GABPB1: variants seen among roughly 807,000 people sequenced by gnomAD.
The protein encoded by GABPB1 is GA binding protein transcription factor subunit beta 1.
Under a neutral mutation model 45.9 loss-of-function variants are expected in GABPB1, and 15 were observed. The ratio of observed to expected loss-of-function variants is 0.33; its 90% CI spans 0.22 to 0.50. GABPB1 has a LOEUF of 0.50. GABPB1 is among the 20% of genes least tolerant of loss of function. The pLI is 0.98. For synonymous variants in GABPB1, 143 were observed against 154.4 expected (o/e 0.93, Z 0.55); for missense variants, 252 against 457.5 (o/e 0.55, Z 4.10).
chr15:50,317,734 C>G (rs1431549097), intron 1 of GABPB1, among the ~76,000 whole-genome samples: 1 of 151,868 alleles, frequency 6.6e-6, no homozygotes, highest in Admixed American at 6.6e-5. Context: ...ATGGTGAAAC[C>G]CCGTCTCTAC....
Position 50,320,867 on chromosome 15 carries a change from G to A in GABPB1, c.1-11069C>T, listed in dbSNP as rs934654672. Reference sequence around the variant, plus strand: ...CTTAAAGATGGAGGAAGGGGTCACAGGTCAAGAAATGCATGCCTTCTTTAG... The same window carrying A: ...CTTAAAGATGGAGGAAGGGGTCACAAGTCAAGAAATGCATGCCTTCTTTAG... On this transcript the variant is annotated intron_variant, in intron 1 of 8. Coordinates refer to ENST00000380877, the MANE Select transcript of GABPB1 (RefSeq NM_016654.5). 3.3e-5 allele frequency among the ~76,000 whole-genome samples: 5 copies of A among 152,128 alleles called. No individual in the cohort carries two copies. In the South Asian group the frequency reaches 1.0e-3, roughly 31 times the overall value.
At chr15:50,312,319 T>C (rs1180530613) in intron 1 of GABPB1, among the ~76,000 whole-genome samples, 1 of 152,214 alleles carries the variant, frequency 6.6e-6, no homozygotes, top group Non-Finnish European at 1.5e-5. Context: ...TTAAATACAC[T>C]TCTCTGTGAC....
chr15:50,346,482 G>C (rs577911001), intron 1 of GABPB1: 11 of 152,158 alleles, frequency 7.2e-5, no homozygotes, highest in Non-Finnish European at 1.2e-4. Flanking sequence ...TGATGTCAAA[G>C]TGCAGACTGT....
intron 1 of GABPB1, among the ~76,000 whole-genome samples, chr15:50,336,779 G>A: frequency 6.7e-6 from 1 of 150,136 alleles, no homozygotes; most frequent in East Asian, 2.0e-4. Flanking sequence ...TCTATTTTAT[G>A]GTTTACTACC....
At chr15:50,298,819 G>A (rs749969554) in intron 6 of GABPB1, among the ~76,000 whole-genome samples, 3 of 152,080 alleles carry the variant, frequency 2.0e-5, no homozygotes, top group African/African-American at 4.8e-5. Context: ...GGGTGTGGTG[G>A]TGCATGCCTG....
chr15:50,311,412 G>A (rs868012228), intron 1 of GABPB1, among the ~76,000 whole-genome samples: 1 of 152,142 alleles, frequency 6.6e-6, no homozygotes, highest in African/African-American at 2.4e-5. Flanking sequence ...TAGGTAAGTA[G>A]TCAAGAGAAA....
At chr15:50,323,272 T>G (rs760886930) in intron 1 of GABPB1, among the ~76,000 whole-genome samples, 1 of 152,016 alleles carries the variant, frequency 6.6e-6, no homozygotes, top group Non-Finnish European at 1.5e-5. Flanking sequence ...ATCAGGCCCA[T>G]GGGGGAAATG....
chr15:50,281,819 G>A (rs2045987628), intron 8 of GABPB1, among the ~76,000 whole-genome samples: 1 of 152,140 alleles, frequency 6.6e-6, no homozygotes, highest in South Asian at 2.1e-4. Context: ...TAGACTGGGT[G>A]CTGGGCATGC....
At chr15:50,340,719 CTAA>C (rs1402400027) in intron 1 of GABPB1, among the ~76,000 whole-genome samples, 1 of 151,502 alleles carries the variant, frequency 6.6e-6, no homozygotes, top group Non-Finnish European at 1.5e-5. Context: ...TCTCAAACTC[CTAA>C]TGAGACCATG....
At chr15:50,324,814 T>C (rs1368772481) in intron 1 of GABPB1, among the ~76,000 whole-genome samples, 1 of 152,138 alleles carries the variant, frequency 6.6e-6, no homozygotes, top group Non-Finnish European at 1.5e-5. Context: ...CCCAAAGTGC[T>C]AGGATTACAG....
chr15:50,317,390 G>A (rs1279861212), intron 1 of GABPB1, among the ~76,000 whole-genome samples: 1 of 124,730 alleles, frequency 8.0e-6, no homozygotes, highest in Non-Finnish European at 1.6e-5. Context: ...GGCAACAAGA[G>A]CAAAACTCCG....
At chr15:50,341,542 A>G (rs935964707) in intron 1 of GABPB1, among the ~76,000 whole-genome samples, 22 of 152,116 alleles carry the variant, frequency 1.4e-4, no homozygotes, top group Non-Finnish European at 2.9e-4. Context: ...TCAAAAAAAA[A>G]AAGAAAATGA....
intron 2 of GABPB1, among the ~76,000 whole-genome samples, chr15:50,305,766 A>G (rs576533195): frequency 6.6e-6 from 1 of 152,232 alleles, no homozygotes; most frequent in South Asian, 2.1e-4. Context: ...CACAAAATAT[A>G]TATACATATA....
chr15:50,344,374 G>A (rs1333636123), intron 1 of GABPB1, among the ~76,000 whole-genome samples: 1 of 152,188 alleles, frequency 6.6e-6, no homozygotes, highest in Admixed American at 6.5e-5. Context: ...AGAATAGACA[G>A]TGCAAAGGTC....
At position 50,333,292 on chromosome 15, in the gene GABPB1, C is replaced by T. The variant is rs369060397; in HGVS notation, c.-1+21693G>A. On this transcript the variant is annotated intron_variant, in intron 1 of 8. Transcript: ENST00000380877. ...CCTGAGCAACACAGCGAGACCTCGTCTCTACAAATAATTTTAAAAATTAGA... is the reference window on the plus strand; with the variant it reads ...CCTGAGCAACACAGCGAGACCTCGTTTCTACAAATAATTTTAAAAATTAGA... Among the ~76,000 whole-genome samples the T allele has an allele frequency of 7.2e-5, 11 of 152,296 alleles. No individual in the cohort carries two copies. In the East Asian group the frequency reaches 1.3e-3, roughly 19 times the overall value.
chr15:50,316,673 T>G (rs1220841362), intron 1 of GABPB1, among the ~76,000 whole-genome samples: 4 of 152,186 alleles, frequency 2.6e-5, no homozygotes, highest in African/African-American at 9.6e-5. Flanking sequence ...AAACCCATCA[T>G]AAGGAAACTA....
intron 8 of GABPB1, among the ~76,000 whole-genome samples, chr15:50,284,638 C>T (rs1486984900): frequency 6.6e-6 from 1 of 152,122 alleles, no homozygotes; most frequent in African/African-American, 2.4e-5. Context: ...ATAGGCTGCA[C>T]ATTCACTGTT....
At chr15:50,288,839 T>C (rs11632019) in intron 7 of GABPB1, among the ~76,000 whole-genome samples, 1 of 151,290 alleles carries the variant, frequency 6.6e-6, no homozygotes, top group African/African-American at 2.4e-5. Context: ...TTTTTTTCTT[T>C]TTCTGAGAAA....
chr15:50,285,479 GA>G (rs1435150698), intron 8 of GABPB1, among the ~76,000 whole-genome samples: 3 of 151,930 alleles, frequency 2.0e-5, no homozygotes, highest in African/African-American at 7.3e-5. Context: ...AGTCAGTCAA[GA>G]AAAAAACCTG....
Sources: allele counts gnomAD v4.1 joint callset (sites outside exome capture counted in the v4.1 genomes callset), GRCh38; gene constraint gnomAD v4.1.1; transcripts MANE v1.5; gene names NCBI Gene and HGNC (gene_info 2026-07-23, HGNC 2026-07-21).